Variants in FREM3 observed in about 807,000 individuals in gnomAD.
The protein encoded by FREM3 is FRAS1-related extracellular matrix protein 3.
A neutral mutation model predicts 129.1 loss-of-function variants in FREM3; 105 were observed. The ratio of observed to expected loss-of-function variants is 0.81; its 90% confidence interval spans 0.69 to 0.96. The LOEUF is 0.96. Among genes scored for constraint, FREM3 ranks in the 40% least tolerant of loss-of-function variants. The pLI, the probability that FREM3 is intolerant of heterozygous loss-of-function variation, is 0.00. For synonymous variants in FREM3, 1,014 were observed against 1,044.9 expected (o/e 0.97, Z 0.57); for missense variants, 2,593 against 2,666.3 (o/e 0.97, Z 0.61).
At chr4:143,593,971 G>T (rs148772098) in intron 6 of FREM3, among the ~76,000 whole-genome samples, 139 of 152,290 alleles carry the variant, frequency 9.1e-4, no homozygotes, top group African/African-American at 3.2e-3. Flanking sequence ...GCAGTTTGAT[G>T]TCAGACTGCT....
intron 4 of FREM3, among the ~76,000 whole-genome samples, chr4:143,621,563 CTG>C (rs1462520861): frequency 1.3e-5 from 2 of 152,066 alleles, no homozygotes; most frequent in African/African-American, 4.8e-5. Flanking sequence ...ATGAAGAAAA[CTG>C]TTTTCATGCT....
chr4:143,595,563 A>C (rs1001577194), intron 6 of FREM3, among the ~76,000 whole-genome samples: 2 of 152,108 alleles, frequency 1.3e-5, no homozygotes, highest in Admixed American at 1.3e-4. Context: ...CTTTTGCTGT[A>C]GCACTTAGGA....
intron 2 of FREM3, among the ~76,000 whole-genome samples, chr4:143,674,675 C>G (rs1416155786): frequency 1.3e-5 from 2 of 151,892 alleles, no homozygotes; most frequent in Non-Finnish European, 2.9e-5. Context: ...CACATAGACT[C>G]AAAATAAAGG....
chr4:143,666,764 G>A, intron 2 of FREM3, among the ~76,000 whole-genome samples: 1 of 151,800 alleles, frequency 6.6e-6, no homozygotes, highest in Non-Finnish European at 1.5e-5. Flanking sequence ...AAGGGTTTCT[G>A]TTTGGAGTGA....
chr4:143,652,626 C>T (rs1263349435), intron 2 of FREM3, among the ~76,000 whole-genome samples: 2 of 152,140 alleles, frequency 1.3e-5, no homozygotes, highest in African/African-American at 2.4e-5. Flanking sequence ...GCATGCTTTC[C>T]TGCTTTTCCT....
intron 6 of FREM3, among the ~76,000 whole-genome samples, chr4:143,607,138 A>C (rs1738681547): frequency 6.6e-6 from 1 of 152,198 alleles, no homozygotes; most frequent in African/African-American, 2.4e-5. Flanking sequence ...TAATACATTA[A>C]TAAATGAGTA....
chr4:143,605,055 A>T (rs1281800825), intron 6 of FREM3, among the ~76,000 whole-genome samples: 1 of 152,180 alleles, frequency 6.6e-6, no homozygotes, highest in Non-Finnish European at 1.5e-5. Flanking sequence ...AGCAAGTGGC[A>T]GGTCACTGTG....
intron 2 of FREM3, among the ~76,000 whole-genome samples, chr4:143,670,554 A>G (rs1739947816): frequency 6.6e-6 from 1 of 152,128 alleles, no homozygotes; most frequent in African/African-American, 2.4e-5. Context: ...TTGACTTTTC[A>G]AGCAATAAAC....
intron 2 of FREM3, among the ~76,000 whole-genome samples, chr4:143,689,681 T>C (rs1206822986): frequency 1.3e-5 from 2 of 151,970 alleles, no homozygotes; most frequent in African/African-American, 4.8e-5. Flanking sequence ...TATATATATA[T>C]ATGATGGAAT....
At position 143,639,404 on chromosome 4, in the gene FREM3, C is replaced by T. The variant is rs151129446; in HGVS notation, c.5276-11644G>A. ...AACACCGCTAACTAAAGGTGTGGCC[C>T]TGGGTGAATCACTTACTTCGCAGGG... On this transcript the variant is annotated intron_variant, in intron 2 of 7. Coordinates refer to ENST00000329798, the MANE Select transcript of FREM3 (RefSeq NM_001168235.2). Among the ~76,000 whole-genome samples, 953 of 152,204 alleles carry T rather than the reference C, an allele frequency of 6.3e-3. 12 individuals are homozygous for T. Among genetic ancestry groups the T allele is most frequent in the African/African-American group, 0.021 (869 of 41,524 alleles).
chr4:143,590,103 G>T (rs1044801084), intron 6 of FREM3, among the ~76,000 whole-genome samples: 2 of 151,994 alleles, frequency 1.3e-5, no homozygotes, highest in African/African-American at 4.8e-5. Context: ...CTGAGACTTT[G>T]CTGAAGTTGC....
intron 5 of FREM3, among the ~76,000 whole-genome samples, chr4:143,614,752 C>T (rs1009097295): frequency 5.3e-5 from 8 of 152,200 alleles, no homozygotes; most frequent in Non-Finnish European, 1.2e-4. Flanking sequence ...AAACAAGGCA[C>T]GCGAAAGCTG....
At chr4:143,684,459 A>G (rs1377053453) in intron 2 of FREM3, among the ~76,000 whole-genome samples, 1 of 152,228 alleles carries the variant, frequency 6.6e-6, no homozygotes, top group Non-Finnish European at 1.5e-5. Context: ...AAAGGCAGAG[A>G]GTACTACATC....
At chr4:143,617,412 G>A (rs932683305) in intron 5 of FREM3, among the ~76,000 whole-genome samples, 1 of 152,168 alleles carries the variant, frequency 6.6e-6, no homozygotes, top group African/African-American at 2.4e-5. Context: ...AACATTAATG[G>A]TGCCAAGGTT....
At position 143,699,890 on chromosome 4, in the gene FREM3, A is replaced by G. The variant is rs1227250183; in HGVS notation, c.786T>C (p.Arg262=). The change falls in exon 1 of 8, where the codon CGT becomes CGC. Residue 262 remains arginine, a synonymous_variant. Coordinates refer to ENST00000329798, the MANE Select transcript of FREM3 (RefSeq NM_001168235.2). The surrounding 1 kb of genome is among the most constrained non-coding windows in gnomAD (Gnocchi z 4.2). ...GCTCCACCATCATGGGCACGTAGTC[A>G]CGGTTGGGCGAGGAGGTGGCTGTGT... is the stretch of plus-strand genomic sequence containing the variant. The part of the protein sequence containing the change: ...YQHTATSSPN[R]DYVPMMVELL... 6.5e-7 allele frequency: 1 copy of G among 1,536,642 alleles called. No homozygotes were observed. The highest frequency in any genetic ancestry group is 2.0e-5 in the Admixed American group (1 of 50,988).
rs553916419 is a variant in FREM3 at position 143,655,985 on chromosome 4, C to T, written c.5276-28225G>A. Among the ~76,000 whole-genome samples, 38 of 152,202 alleles carry T rather than the reference C, an allele frequency of 2.5e-4. No individual in the cohort carries two copies. In the South Asian group the frequency reaches 7.9e-3, roughly 32 times the overall value. ...AGGCATAACCCCTGTATTAAATGACCAATATTACCTACAATAAGTGTTATT... is the reference window on the plus strand; with the variant it reads ...AGGCATAACCCCTGTATTAAATGACTAATATTACCTACAATAAGTGTTATT... On this transcript the variant is annotated intron_variant, in intron 2 of 7. Coordinates refer to ENST00000329798, the MANE Select transcript of FREM3 (RefSeq NM_001168235.2).
At chr4:143,640,797 C>T (rs1739309452) in intron 2 of FREM3, among the ~76,000 whole-genome samples, 1 of 152,060 alleles carries the variant, frequency 6.6e-6, no homozygotes, top group Admixed American at 6.6e-5. Flanking sequence ...TATGTACAGC[C>T]AGGCTGTGAA....
chr4:143,696,372 G>T lies in FREM3; in HGVS notation c.4304C>A (p.Thr1435Asn). The T allele has an allele frequency of 1.3e-6, 2 of 1,537,412 alleles. No individual in the cohort carries two copies. Among genetic ancestry groups the T allele is most frequent in the Non-Finnish European group, 8.7e-7 (1 of 1,146,958 alleles). The part of the protein sequence containing the change: ...VFPEVISKRI[T>N]LIEGARVTLT... ...GGTCACTCTGGCACCTTCTATCAAG[G>T]TGATCCTTTTGCTGATTACCTCAGG... The change falls in exon 1 of 8, where the codon ACC (threonine) becomes AAC (asparagine). Residue 1435 changes from threonine (T) to asparagine (N), a missense_variant. Physicochemically the swap from Thr to Asn is moderately conservative, Grantham distance 65. Transcript: ENST00000329798.
Position 143,697,337 on chromosome 4 carries a change from T to C in FREM3, c.3339A>G (p.Pro1113=). 1 of 1,537,206 alleles carries C rather than the reference T, an allele frequency of 6.5e-7. No individual in the cohort carries two copies. The highest frequency in any genetic ancestry group is 1.2e-5 in the South Asian group (1 of 84,066). ...DELLCTVTSQ[P]ASGYLEKIAS... ...CAATCTTTTCCAGGTAGCCAGAGGCTGGCTGACTAGTCACTGTGCAGAGGA... is the reference window on the plus strand; with the variant it reads ...CAATCTTTTCCAGGTAGCCAGAGGCCGGCTGACTAGTCACTGTGCAGAGGA... Residue 1113 remains proline, a synonymous_variant, in exon 1 of 8, where the codon CCA becomes CCG. Coordinates refer to ENST00000329798, the MANE Select transcript of FREM3 (RefSeq NM_001168235.2).
Sources: allele counts gnomAD v4.1 joint callset (sites outside exome capture counted in the v4.1 genomes callset), GRCh38; gene constraint gnomAD v4.1.1; non-coding constraint Gnocchi (gnomAD v3.1); transcripts MANE v1.5; gene names NCBI Gene and HGNC (gene_info 2026-07-23, HGNC 2026-07-21).